The following RNF11 variants were observed in gnomAD, a reference collection of about 807,000 sequenced individuals.
RNF11 encodes the protein ring finger protein 11.
In RNF11, 4 loss-of-function variants were observed where a neutral mutation model predicts 15.8. The ratio of observed to expected loss-of-function variants is 0.25; its 90% CI spans 0.12 to 0.58. The LOEUF (loss-of-function observed/expected upper bound fraction) is 0.58, where lower values mean the gene tolerates loss of function less well. Among genes scored for constraint, RNF11 ranks in the 20% least tolerant of loss-of-function variants. The probability of loss-of-function intolerance (pLI) is 0.91; values close to 1 mark genes in which losing one functional copy is unlikely to be tolerated. For missense variants in RNF11, 139 were observed against 194.4 expected, an observed-to-expected ratio of 0.71 and a Z score of 1.70; for synonymous variants, 68 against 72.3, an observed-to-expected ratio of 0.94 and a Z score of 0.30.
intron 2 of RNF11, among the ~76,000 whole-genome samples, chr1:51,270,594 G>T (rs1308610650): frequency 6.6e-6 from 1 of 152,192 alleles, no homozygotes; most frequent in East Asian, 1.9e-4. Flanking sequence ...AATGAAGAGA[G>T]CTTTAACTTA....
chr1:51,236,595 T>G lies in RNF11; in HGVS notation c.-162T>G. The G allele has an allele frequency of 1.4e-6, 1 of 714,684 alleles. No individual in the cohort carries two copies. The allele number at this position is 714,684 out of a possible 1,614,324, so 44.3% of individuals were successfully genotyped here. On this transcript the variant is annotated 5_prime_UTR_variant, in exon 1 of 3. An upstream start codon of the reference 5' UTR is lost. Coordinates refer to ENST00000242719, the MANE Select transcript of RNF11 (RefSeq NM_014372.5). ...GATCCCCCAACCCCGGGGGCTGGCA[T>G]GAGCGGCCCCTCGGCGGCACCGTGG...
chr1:51,265,937 C>G (rs551612744), intron 1 of RNF11: 1 of 151,846 alleles, frequency 6.6e-6, no homozygotes, highest in African/African-American at 2.4e-5. Context: ...CTGCAACCTC[C>G]GCCTCCCAGG....
At chr1:51,248,096 C>CTTTT (rs1157196813) in intron 1 of RNF11, among the ~76,000 whole-genome samples, 313 of 91,550 alleles carry the variant, frequency 3.4e-3, no homozygotes, top group African/African-American at 6.7e-3. Context: ...CTAGTTTCTT[C>CTTTT]TTTTTTTTTT....
chr1:51,248,096 CTTTTTTTTTT>C (rs1157196813), intron 1 of RNF11, among the ~76,000 whole-genome samples: 17 of 91,704 alleles, frequency 1.9e-4, no homozygotes, highest in Non-Finnish European at 2.6e-4. Flanking sequence ...CTAGTTTCTT[CTTTTTTTTTT>C]TTTTTTTTTT....
intron 1 of RNF11, among the ~76,000 whole-genome samples, chr1:51,268,111 CA>C (rs1469471493): frequency 2.0e-5 from 3 of 152,214 alleles, no homozygotes; most frequent in African/African-American, 7.2e-5. Flanking sequence ...ACAATTGAAT[CA>C]GGATTCCATT....
intron 1 of RNF11, among the ~76,000 whole-genome samples, chr1:51,239,395 G>T (rs1275156376): frequency 2.6e-5 from 4 of 152,022 alleles, no homozygotes; most frequent in African/African-American, 4.8e-5. Context: ...AGTGAATGAC[G>T]CAGACTAATA....
At chr1:51,237,999 TG>T (rs11291170) in intron 1 of RNF11, among the ~76,000 whole-genome samples, 40,066 of 151,960 alleles carry the variant, frequency 0.26, 6,326 homozygotes, top group African/African-American at 0.45. Context: ...AAAATTCTTC[TG>T]GGGGCATTTC....
At chr1:51,244,576 C>T (rs975803201) in intron 1 of RNF11, among the ~76,000 whole-genome samples, 3 of 151,956 alleles carry the variant, frequency 2.0e-5, no homozygotes, top group South Asian at 2.1e-4. Context: ...TTAGTAGGGA[C>T]GGGGTTTCAC....
chr1:51,245,399 C>T (rs1192227426), intron 1 of RNF11, among the ~76,000 whole-genome samples: 1 of 152,096 alleles, frequency 6.6e-6, no homozygotes, highest in Admixed American at 6.6e-5. Context: ...GCAGTCCACC[C>T]ACCTCGGCCT....
At chr1:51,270,644 T>C (rs1289242988) in intron 2 of RNF11, among the ~76,000 whole-genome samples, 1 of 152,234 alleles carries the variant, frequency 6.6e-6, no homozygotes, top group Non-Finnish European at 1.5e-5. Flanking sequence ...TGTTTCTGTT[T>C]TTACAGTTAT....
At chr1:51,261,576 G>A (rs909694029) in intron 1 of RNF11, among the ~76,000 whole-genome samples, 1 of 152,166 alleles carries the variant, frequency 6.6e-6, no homozygotes, top group Admixed American at 6.5e-5. Flanking sequence ...GTCTTGCTCT[G>A]TTGCCCAGGA....
intron 1 of RNF11, among the ~76,000 whole-genome samples, chr1:51,249,409 C>T (rs1387031946): frequency 6.6e-6 from 1 of 152,118 alleles, no homozygotes; most frequent in African/African-American, 2.4e-5. Flanking sequence ...TTCTTAATTA[C>T]GTAGGCTAGT....
intron 1 of RNF11, chr1:51,250,988 G>A (rs377401726): frequency 1.4e-5 from 19 of 1,389,378 alleles, no homozygotes; most frequent in East Asian, 7.1e-5. Flanking sequence ...CTCTGCGCAC[G>A]GGGACAATGG....
chr1:51,265,498 TCTCG>T (rs761735751), intron 1 of RNF11, among the ~76,000 whole-genome samples: 7 of 152,334 alleles, frequency 4.6e-5, no homozygotes, highest in Non-Finnish European at 1.0e-4. Context: ...TCCTTTGGAT[TCTCG>T]CTCTTTCTCT....
At position 51,269,944 on chromosome 1, in the gene RNF11, T is replaced by G; in HGVS notation, c.124-12T>G. The G allele has an allele frequency of 6.2e-7, 1 of 1,605,516 alleles. No individual in the cohort carries two copies. Among genetic ancestry groups the G allele is most frequent in the Non-Finnish European group, 8.5e-7 (1 of 1,175,806 alleles). On this transcript the variant is annotated splice_polypyrimidine_tract_variant and intron_variant, in intron 1 of 2. Transcript: ENST00000242719. Reference sequence around the variant, plus strand: ...AAAAATAATCTTTTTCCTCTATATTTTAATATTTTAGGAACAAGTTCCAGT... The same window carrying G: ...AAAAATAATCTTTTTCCTCTATATTGTAATATTTTAGGAACAAGTTCCAGT...
At chr1:51,255,660 A>G (rs1360426595) in intron 1 of RNF11, among the ~76,000 whole-genome samples, 1 of 152,218 alleles carries the variant, frequency 6.6e-6, no homozygotes, top group Non-Finnish European at 1.5e-5. Flanking sequence ...GGTATGTTCA[A>G]GGAGGGGGTC....
At position 51,272,097 on chromosome 1, in the gene RNF11, A is replaced by G. The variant is rs1160791442; in HGVS notation, c.*775A>G. 6.6e-6 allele frequency: 1 copy of G among 152,574 alleles called. No individual in the cohort carries two copies. The highest frequency in any genetic ancestry group is 1.5e-5 in the Non-Finnish European group (1 of 68,014). 9.5% of individuals were successfully genotyped at this position (152,574 alleles called of 1,614,324 possible). On this transcript the variant is annotated 3_prime_UTR_variant, in exon 3 of 3. Transcript: ENST00000242719. ...AATATTACCCTTTCCTATGTGTTTT[A>G]TCTAATTATTTTGGTTGTTAATATG...
chr1:51,259,672 A>G (rs1478676711), intron 1 of RNF11, among the ~76,000 whole-genome samples: 2 of 152,208 alleles, frequency 1.3e-5, no homozygotes, highest in Non-Finnish European at 1.5e-5. Context: ...CATGAAAGCA[A>G]TGATTATACC....
chr1:51,260,565 T>C (rs1219188610), intron 1 of RNF11, among the ~76,000 whole-genome samples: 6 of 152,200 alleles, frequency 3.9e-5, no homozygotes, highest in Non-Finnish European at 8.8e-5. Flanking sequence ...ATTAGATACG[T>C]TATTATACCC....
Sources: allele counts gnomAD v4.1 joint callset (sites outside exome capture counted in the v4.1 genomes callset), GRCh38; gene constraint gnomAD v4.1.1; transcripts MANE v1.5; gene names NCBI Gene and HGNC (gene_info 2026-07-23, HGNC 2026-07-21).